The following ARHGAP24 variants were observed in gnomAD, a reference collection of about 807,000 sequenced individuals.
The protein encoded by ARHGAP24 is rho GTPase-activating protein 24.
Under a neutral mutation model 76.4 loss-of-function variants are expected in ARHGAP24, and 50 were observed. That is an observed-to-expected ratio of 0.65 (90% CI 0.52 to 0.83). ARHGAP24 has a LOEUF of 0.83. Among genes scored for constraint, ARHGAP24 ranks in the 40% least tolerant of loss-of-function variants. The pLI, the probability that ARHGAP24 is intolerant of heterozygous loss-of-function variation, is 0.00. For synonymous variants in ARHGAP24, 345 were observed against 323.3 expected (o/e 1.07, Z -0.72); for missense variants, 930 against 914.2 (o/e 1.02, Z -0.22).
chr4:85,598,823 T>C (rs746170238), intron 2 of ARHGAP24, among the ~76,000 whole-genome samples: 10 of 151,332 alleles, frequency 6.6e-5, no homozygotes. Context: ...TCAAGTTGCC[T>C]AATAGAAGTA....
At chr4:85,781,115 C>T (rs1727536714) in intron 3 of ARHGAP24, among the ~76,000 whole-genome samples, 1 of 152,168 alleles carries the variant, frequency 6.6e-6, no homozygotes, top group African/African-American at 2.4e-5. Context: ...TTATTCAATT[C>T]TTCTGTGTGG....
chr4:85,902,349 T>C (rs1459891567), intron 3 of ARHGAP24, among the ~76,000 whole-genome samples: 2 of 152,162 alleles, frequency 1.3e-5, no homozygotes, highest in African/African-American at 4.8e-5. Flanking sequence ...CTATGGCATT[T>C]AGAGACTGTA....
chr4:85,484,076 T>C (rs1463436545), intron 1 of ARHGAP24, among the ~76,000 whole-genome samples: 2 of 152,246 alleles, frequency 1.3e-5, no homozygotes, highest in Admixed American at 1.3e-4. Flanking sequence ...CCAGTGTTTG[T>C]GTGACTTCAA....
At chr4:85,879,533 A>G (rs1053001132) in intron 3 of ARHGAP24, among the ~76,000 whole-genome samples, 5 of 152,118 alleles carry the variant, frequency 3.3e-5, no homozygotes, top group African/African-American at 7.2e-5. Flanking sequence ...TTAAAATGAC[A>G]TAAAACAGTA....
At chr4:85,529,775 A>G (rs1725179955) in intron 1 of ARHGAP24, among the ~76,000 whole-genome samples, 1 of 152,044 alleles carries the variant, frequency 6.6e-6, no homozygotes, top group Non-Finnish European at 1.5e-5. Context: ...AGCAGACAAT[A>G]AAAATATGTC....
chr4:85,660,870 T>C (rs563071613), intron 2 of ARHGAP24, among the ~76,000 whole-genome samples: 156 of 150,850 alleles, frequency 1.0e-3, no homozygotes, highest in African/African-American at 3.6e-3. Flanking sequence ...CCTTTCATTA[T>C]TTTTAGAGTT....
intron 3 of ARHGAP24, among the ~76,000 whole-genome samples, chr4:85,886,709 A>G (rs1220980849): frequency 6.6e-6 from 1 of 152,172 alleles, no homozygotes; most frequent in Non-Finnish European, 1.5e-5. Flanking sequence ...GATGTCATAA[A>G]GCATCTAAAA....
Position 85,973,740 on chromosome 4 carries a change from TGG to T in ARHGAP24, c.733-1147_733-1146del, listed in dbSNP as rs1209879453. On this transcript the variant is annotated intron_variant, in intron 6 of 9. Transcript: ENST00000395184. Reference sequence around the variant, plus strand: ...GGAACAAACTTAATTCTTCTTCATGTGGATATACAATTGTCCCAGCACTGTTT... The same window carrying T: ...GGAACAAACTTAATTCTTCTTCATGTATATACAATTGTCCCAGCACTGTTT... Among the ~76,000 whole-genome samples the T allele has an allele frequency of 7.2e-5, 11 of 151,950 alleles. No individual in the cohort carries two copies. In the East Asian group the frequency reaches 1.9e-3, roughly 27 times the overall value.
chr4:85,666,763 C>T lies in ARHGAP24; in HGVS notation c.181-55122C>T, dbSNP rs376558993. On this transcript the variant is annotated intron_variant, in intron 2 of 9. Transcript: ENST00000395184. The stretch of plus-strand genomic sequence containing the variant: ...GTTGGAGTTTGCTAGAGGTCCACTC[C>T]AGACCCTGTTTGCCTGGGTATCAGT... Among the ~76,000 whole-genome samples the T allele has an allele frequency of 1.6e-4, 24 of 152,304 alleles. No individual in the cohort carries two copies. The South Asian group carries it at 1.9e-3, about 12-fold the overall frequency.
chr4:85,479,723 G>GA (rs1246306701), intron 1 of ARHGAP24, among the ~76,000 whole-genome samples: 1 of 152,038 alleles, frequency 6.6e-6, no homozygotes, highest in African/African-American at 2.4e-5. Flanking sequence ...GTTTCTTCCT[G>GA]AAAAAAATTC....
chr4:85,867,118 T>C (rs530697349), intron 3 of ARHGAP24, among the ~76,000 whole-genome samples: 15 of 152,090 alleles, frequency 9.9e-5, no homozygotes, highest in Non-Finnish European at 1.9e-4. Flanking sequence ...TACTTCACCT[T>C]TATTTTTAAA....
Position 85,931,720 on chromosome 4 carries a change from TA to T in ARHGAP24, c.391+7951del, listed in dbSNP as rs1327147979. On this transcript the variant is annotated intron_variant, in intron 4 of 9. Coordinates refer to ENST00000395184, the MANE Select transcript of ARHGAP24 (RefSeq NM_001025616.3). ...CTGAATTGACTTATTTGGGGGGAGT[TA>T]GAGAATACAAAATAGGTAAACTAAA... Among the ~76,000 whole-genome samples, 3 of 152,224 alleles carry T rather than the reference TA, an allele frequency of 2.0e-5. No individual in the cohort carries two copies. In the East Asian group the frequency reaches 5.8e-4, roughly 29 times the overall value.
At chr4:85,815,950 G>A (rs558107938) in intron 3 of ARHGAP24, among the ~76,000 whole-genome samples, 4 of 152,256 alleles carry the variant, frequency 2.6e-5, no homozygotes, top group East Asian at 1.9e-4. Flanking sequence ...CTCACATAGC[G>A]GCAGCAGGAA....
intron 1 of ARHGAP24, among the ~76,000 whole-genome samples, chr4:85,555,023 C>G (rs1420829612): frequency 6.6e-6 from 1 of 152,130 alleles, no homozygotes; most frequent in Non-Finnish European, 1.5e-5. Flanking sequence ...GCTCCTGTAT[C>G]ATATTTTATT....
intron 5 of ARHGAP24, among the ~76,000 whole-genome samples, chr4:85,961,447 C>T (rs1249653320): frequency 1.3e-5 from 2 of 152,084 alleles, no homozygotes; most frequent in South Asian, 2.1e-4. Context: ...TCTAGTTACT[C>T]ATTTCTTGCA....
intron 1 of ARHGAP24, among the ~76,000 whole-genome samples, chr4:85,479,895 C>T (rs188153061): frequency 2.7e-3 from 409 of 152,258 alleles, no homozygotes; most frequent in Admixed American, 4.1e-3. Flanking sequence ...AGAATTCATA[C>T]GTGTGGTTCA....
chr4:85,480,839 T>A (rs1251169722), intron 1 of ARHGAP24, among the ~76,000 whole-genome samples: 5 of 152,160 alleles, frequency 3.3e-5, no homozygotes. Context: ...ATAGAAGAAT[T>A]CCCTTAGGGA....
intron 2 of ARHGAP24, chr4:85,686,476 A>T (rs1723426310): frequency 6.6e-6 from 1 of 152,188 alleles, no homozygotes; most frequent in African/African-American, 2.4e-5. Flanking sequence ...TAACAAGAAA[A>T]CGAAGTCCTG....
At chr4:85,653,056 TTTC>T (rs1311309284) in intron 2 of ARHGAP24, among the ~76,000 whole-genome samples, 2 of 152,316 alleles carry the variant, frequency 1.3e-5, no homozygotes, top group Non-Finnish European at 2.9e-5. Context: ...AATGCTTTCT[TTTC>T]TTAGAAAATT....
Sources: gnomAD v4.1 joint callset for allele counts (sites outside exome capture counted in the v4.1 genomes callset) on GRCh38, gnomAD v4.1.1 for gene constraint, MANE v1.5 for transcripts, NCBI Gene and HGNC (gene_info 2026-07-23, HGNC 2026-07-21) for gene names.